The following DAPK2 variants were observed in gnomAD, a reference collection of about 807,000 sequenced individuals.
The protein encoded by DAPK2 is death associated protein kinase 2.
A neutral mutation model predicts 44.1 loss-of-function variants in DAPK2; 35 were observed. That is an observed-to-expected ratio of 0.79 (90% CI 0.61 to 1.05). DAPK2 has a LOEUF of 1.05. Ranked by LOEUF, DAPK2 falls within the 50% of genes least tolerant of loss-of-function variation. The pLI, the probability that DAPK2 is intolerant of heterozygous loss-of-function variation, is 0.00. For synonymous variants in DAPK2, 174 were observed against 182.6 expected, an observed-to-expected ratio of 0.95 and a Z score of 0.38; for missense variants, 453 against 483.2, an observed-to-expected ratio of 0.94 and a Z score of 0.59.
intron 3 of DAPK2, among the ~76,000 whole-genome samples, chr15:63,954,855 T>C (rs921785721): frequency 6.6e-6 from 1 of 152,236 alleles, no homozygotes; most frequent in African/African-American, 2.4e-5. Flanking sequence ...GTTTTCATTA[T>C]AGAGATCTTT....
rs545101537 is a variant in DAPK2 at position 64,010,974 on chromosome 15, T to C, written c.93-27220A>G. Among the ~76,000 whole-genome samples, 4 of 152,320 alleles carry C rather than the reference T, an allele frequency of 2.6e-5. No homozygotes were observed. The South Asian group carries it at 8.3e-4, about 32-fold the overall frequency. ...ACCCCATGTGGAGGTGGCTGACTCATTCTGTGGTCTCCTGTCTGGGGACAT... is the reference window on the plus strand; with the variant it reads ...ACCCCATGTGGAGGTGGCTGACTCACTCTGTGGTCTCCTGTCTGGGGACAT... On this transcript the variant is annotated intron_variant, in intron 1 of 10. Transcript: ENST00000261891.
At chr15:63,962,274 G>C (rs2077925026) in intron 3 of DAPK2, among the ~76,000 whole-genome samples, 1 of 152,134 alleles carries the variant, frequency 6.6e-6, no homozygotes, top group South Asian at 2.1e-4. Context: ...TAGCTTATTT[G>C]CGATGGGTTC....
intron 2 of DAPK2, among the ~76,000 whole-genome samples, chr15:63,978,157 G>GT (rs2078406036): frequency 6.6e-6 from 1 of 152,200 alleles, no homozygotes; most frequent in Non-Finnish European, 1.5e-5. Context: ...AGAATATTCT[G>GT]TATCATATAG....
intron 1 of DAPK2, among the ~76,000 whole-genome samples, chr15:64,007,708 G>A (rs1318230073): frequency 6.6e-6 from 1 of 152,224 alleles, no homozygotes; most frequent in Non-Finnish European, 1.5e-5. Context: ...CAAATAGCTT[G>A]GAGCATACAA....
chr15:63,982,732 G>A (rs2078557643), intron 2 of DAPK2, among the ~76,000 whole-genome samples: 2 of 152,218 alleles, frequency 1.3e-5, no homozygotes, highest in South Asian at 4.1e-4. Flanking sequence ...CACAGGCCGT[G>A]TGGACTCAAG....
intron 6 of DAPK2, chr15:63,926,311 T>C (rs2079264083): frequency 8.4e-6 from 4 of 475,360 alleles, no homozygotes; most frequent in East Asian, 7.7e-5. Context: ...CAGAGAGAAA[T>C]TGTGTCTTCA....
chr15:63,977,925 G>A (rs2078398019), intron 2 of DAPK2, among the ~76,000 whole-genome samples: 1 of 152,156 alleles, frequency 6.6e-6, no homozygotes, highest in African/African-American at 2.4e-5. Flanking sequence ...ATGCAAAATG[G>A]AAAGGCTCAA....
At chr15:64,025,787 TTGAG>T (rs959924744) in intron 1 of DAPK2, among the ~76,000 whole-genome samples, 1 of 152,226 alleles carries the variant, frequency 6.6e-6, no homozygotes, top group African/African-American at 2.4e-5. Context: ...ATAATAATAA[TTGAG>T]TTTTATTTTG....
rs1177267537 is a variant in DAPK2, at chr15:63,994,486, TA to T, written c.93-10733del. ...GGAAGGAAACGCACAAAAAGGAAGC[TA>T]AAAAATGTTCCTTAGTCCCACCTTT... On this transcript the variant is annotated intron_variant, in intron 1 of 10. Coordinates refer to ENST00000261891, the Ensembl canonical transcript of DAPK2. Among the ~76,000 whole-genome samples, 6 of 145,354 alleles carry T rather than the reference TA, an allele frequency of 4.1e-5. No individual in the cohort carries two copies. In the Admixed American group the frequency reaches 4.2e-4, roughly 10 times the overall value.
chr15:63,977,755 C>A lies in DAPK2; in HGVS notation c.314+5778G>T, dbSNP rs141127703. 8.4e-3 allele frequency among the ~76,000 whole-genome samples: 1,283 copies of A among 152,308 alleles called. 8 individuals carry two copies. Among genetic ancestry groups the A allele is most frequent in the Admixed American group, 0.015 (229 of 15,306 alleles). Reference sequence around the variant, plus strand: ...TCCACCCGGAGGGCATCCTCATTCTCAGATGAGAAAACTGAGGTCTCAGGA... The same window carrying A: ...TCCACCCGGAGGGCATCCTCATTCTAAGATGAGAAAACTGAGGTCTCAGGA... On this transcript the variant is annotated intron_variant, in intron 2 of 10. Transcript: ENST00000261891.
At chr15:64,034,934 G>A (rs1342521026) in intron 1 of DAPK2, among the ~76,000 whole-genome samples, 4 of 152,182 alleles carry the variant, frequency 2.6e-5, no homozygotes, top group South Asian at 2.1e-4. Flanking sequence ...TCGGGAGGCC[G>A]AGGCAGGCAG....
At chr15:63,926,515 T>G (rs2079273985) in intron 6 of DAPK2, among the ~76,000 whole-genome samples, 1 of 151,870 alleles carries the variant, frequency 6.6e-6, no homozygotes, top group Non-Finnish European at 1.5e-5. Context: ...TTGTCAGCAG[T>G]CAGAGAAGGA....
At chr15:64,026,522 G>A (rs1325580306) in intron 1 of DAPK2, among the ~76,000 whole-genome samples, 1 of 152,104 alleles carries the variant, frequency 6.6e-6, no homozygotes, top group Non-Finnish European at 1.5e-5. Flanking sequence ...GGGATTACAG[G>A]AGTGAGCCAC....
At chr15:64,035,492 T>A (rs1159578834) in intron 1 of DAPK2, among the ~76,000 whole-genome samples, 4 of 152,214 alleles carry the variant, frequency 2.6e-5, no homozygotes, top group African/African-American at 9.6e-5. Flanking sequence ...ACTTTGTGTT[T>A]TGTGGGTCCT....
chr15:63,996,914 C>A (rs1003363616), intron 1 of DAPK2, among the ~76,000 whole-genome samples: 1 of 152,128 alleles, frequency 6.6e-6, no homozygotes, highest in African/African-American at 2.4e-5. Context: ...GTGGCCTATT[C>A]CCTCATCCCC....
chr15:63,954,753 T>G (rs1001265215), intron 3 of DAPK2, among the ~76,000 whole-genome samples: 4 of 152,330 alleles, frequency 2.6e-5, no homozygotes, highest in Admixed American at 6.5e-5. Context: ...GTATGGACAT[T>G]TTAACAATAT....
intron 6 of DAPK2, 97 bp from the exon 8 acceptor site, chr15:63,926,190 A>T (rs992917474): frequency 7.2e-7 from 1 of 1,397,524 alleles, no homozygotes; most frequent in Non-Finnish European, 9.7e-7. Flanking sequence ...TGCTGCAGGG[A>T]GCTGGAAGGC....
At chr15:64,021,226 G>A (rs1368845528) in intron 1 of DAPK2, among the ~76,000 whole-genome samples, 1 of 152,216 alleles carries the variant, frequency 6.6e-6, no homozygotes, top group African/African-American at 2.4e-5. Context: ...GAACAGGACA[G>A]CGGCCCCCAG....
chr15:63,956,362 A>C (rs1464112877), intron 3 of DAPK2, among the ~76,000 whole-genome samples: 1 of 151,678 alleles, frequency 6.6e-6, no homozygotes, highest in African/African-American at 2.4e-5. Flanking sequence ...AGCCCTCTTA[A>C]TACTGCTTTC....
Sources: gnomAD v4.1 joint callset for allele counts (sites outside exome capture counted in the v4.1 genomes callset) on GRCh38, gnomAD v4.1.1 for gene constraint, MANE v1.5 for transcripts, NCBI Gene and HGNC (gene_info 2026-07-23, HGNC 2026-07-21) for gene names.